The following KHDRBS2 variants were observed in gnomAD, a reference collection of about 807,000 sequenced individuals.
KHDRBS2 encodes the protein KH RNA binding domain containing, signal transduction associated 2.
KHDRBS2 carries 26 observed loss-of-function variants against 44.3 expected under a neutral mutation model. That is an observed-to-expected ratio of 0.59 (90% CI 0.43 to 0.81). The LOEUF (loss-of-function observed/expected upper bound fraction) is 0.81. KHDRBS2 is among the 40% of genes least tolerant of loss of function. The probability of loss-of-function intolerance (pLI) is 0.00; values close to 1 mark genes in which losing one functional copy is unlikely to be tolerated. For synonymous variants in KHDRBS2, 194 were observed against 151.1 expected (o/e 1.28, Z -2.08); for missense variants, 476 against 433.1 (o/e 1.10, Z -0.88).
chr6:62,227,513 A>C (rs1449488751), intron 1 of KHDRBS2, among the ~76,000 whole-genome samples: 1 of 152,138 alleles, frequency 6.6e-6, no homozygotes, highest in Admixed American at 6.6e-5. Context: ...AATGCCAATT[A>C]TTTCTTTCTC....
chr6:61,806,389 A>G (rs1305231429), intron 6 of KHDRBS2, among the ~76,000 whole-genome samples: 1 of 152,170 alleles, frequency 6.6e-6, no homozygotes, highest in African/African-American at 2.4e-5. Context: ...ATACATAAAA[A>G]TGGAGAGATG....
At chr6:62,063,392 C>G (rs1159977082) in intron 2 of KHDRBS2, among the ~76,000 whole-genome samples, 1 of 151,388 alleles carries the variant, frequency 6.6e-6, no homozygotes, top group Non-Finnish European at 1.5e-5. Flanking sequence ...AAAATACTGG[C>G]AAACCGAATC....
rs184989968 is a variant in KHDRBS2, at chr6:61,749,899, G to C, written c.811-17135C>G. On this transcript the variant is annotated intron_variant, in intron 6 of 8. Transcript: ENST00000281156. ...ATTTCCAAGTCTTTGATGATTAAAA[G>C]ACTGTTATTTTAAAGAAGAATCTTG... is the stretch of plus-strand genomic sequence containing the variant. Among the ~76,000 whole-genome samples, 22 of 152,220 alleles carry C rather than the reference G, an allele frequency of 1.4e-4. No individual in the cohort carries two copies. In the East Asian group the frequency reaches 3.9e-3, roughly 27 times the overall value.
At chr6:62,230,369 G>T (rs1405440925) in intron 1 of KHDRBS2, among the ~76,000 whole-genome samples, 16 of 152,138 alleles carry the variant, frequency 1.1e-4, no homozygotes, top group African/African-American at 3.6e-4. Flanking sequence ...TAAATTGATA[G>T]AAAATTGGTA....
At chr6:61,707,375 G>C (rs1339717715) in intron 7 of KHDRBS2, among the ~76,000 whole-genome samples, 1 of 151,636 alleles carries the variant, frequency 6.6e-6, no homozygotes, top group African/African-American at 2.4e-5. Flanking sequence ...CCATTCCTAA[G>C]CCTTCATTGA....
At chr6:62,036,165 T>C (rs1276881915) in intron 3 of KHDRBS2, among the ~76,000 whole-genome samples, 1 of 151,876 alleles carries the variant, frequency 6.6e-6, no homozygotes, top group Non-Finnish European at 1.5e-5. Flanking sequence ...AATCAAAGTA[T>C]GTAAACTGTT....
At chr6:62,210,159 T>C (rs949417850) in intron 1 of KHDRBS2, among the ~76,000 whole-genome samples, 1 of 152,096 alleles carries the variant, frequency 6.6e-6, no homozygotes, top group African/African-American at 2.4e-5. Flanking sequence ...AAAAGTATAT[T>C]ATCAAAGAAT....
At chr6:61,788,518 T>C (rs951630442) in intron 6 of KHDRBS2, among the ~76,000 whole-genome samples, 1 of 151,448 alleles carries the variant, frequency 6.6e-6, no homozygotes, top group Non-Finnish European at 1.5e-5. Context: ...TTATGTAGTA[T>C]CTCACATATT....
the KHDRBS2 span, among the ~76,000 whole-genome samples, chr6:61,650,363 G>T: frequency 6.6e-6 from 1 of 151,210 alleles, no homozygotes; most frequent in Non-Finnish European, 1.5e-5. Flanking sequence ...CATGCAAGCA[G>T]ATTCTTTGTC....
At chr6:62,038,241 T>C (rs1785716674) in intron 3 of KHDRBS2, among the ~76,000 whole-genome samples, 1 of 152,090 alleles carries the variant, frequency 6.6e-6, no homozygotes, top group Non-Finnish European at 1.5e-5. Context: ...TTGACTTCAC[T>C]CTTGGTGAAC....
intron 2 of KHDRBS2, among the ~76,000 whole-genome samples, chr6:62,063,253 G>A (rs1412007184): frequency 6.8e-6 from 1 of 146,534 alleles, no homozygotes; most frequent in Non-Finnish European, 1.5e-5. Flanking sequence ...AATAGAAAAA[G>A]AGGGAATCCT....
At chr6:61,684,031 A>G (rs907402025) in intron 8 of KHDRBS2, among the ~76,000 whole-genome samples, 2 of 151,948 alleles carry the variant, frequency 1.3e-5, no homozygotes, top group Non-Finnish European at 2.9e-5. Context: ...GCAAAGAGAG[A>G]TCAGGAAAAG....
intron 2 of KHDRBS2, among the ~76,000 whole-genome samples, chr6:62,169,373 T>G (rs145394516): frequency 6.6e-6 from 1 of 151,852 alleles, no homozygotes; most frequent in South Asian, 2.1e-4. Flanking sequence ...AAATGTTGCC[T>G]TTGTAGAGGC....
chr6:62,031,070 A>G (rs1477678358), intron 3 of KHDRBS2, among the ~76,000 whole-genome samples: 1 of 152,134 alleles, frequency 6.6e-6, no homozygotes, highest in East Asian at 1.9e-4. Context: ...ATACTAGAAA[A>G]AGGATAGAAG....
the KHDRBS2 span, among the ~76,000 whole-genome samples, chr6:61,667,019 G>A: frequency 3.4e-4 from 49 of 145,788 alleles, no homozygotes; most frequent in African/African-American, 1.1e-3. Context: ...TCAAAAGAAG[G>A]ATTCTTGGTT....
chr6:61,739,402 T>G (rs191755399), intron 6 of KHDRBS2, among the ~76,000 whole-genome samples: 1 of 152,024 alleles, frequency 6.6e-6, no homozygotes, highest in Admixed American at 6.6e-5. Context: ...GGAGCAACTT[T>G]GCTCTGAATT....
At chr6:61,814,143 T>C (rs554763068) in intron 6 of KHDRBS2, 1 of 436,672 alleles carries the variant, frequency 2.3e-6, no homozygotes, top group African/African-American at 2.0e-5. Flanking sequence ...CTTTGAATCC[T>C]GTAGCAAACA....
At chr6:61,984,346 G>A (rs72884450) in intron 3 of KHDRBS2, among the ~76,000 whole-genome samples, 4 of 152,100 alleles carry the variant, frequency 2.6e-5, no homozygotes, top group African/African-American at 7.2e-5. Flanking sequence ...AATCAACCTA[G>A]CTTTTTTTGT....
At chr6:62,178,995 A>T (rs1417933993) in intron 1 of KHDRBS2, among the ~76,000 whole-genome samples, 1 of 151,492 alleles carries the variant, frequency 6.6e-6, no homozygotes, top group Non-Finnish European at 1.5e-5. Flanking sequence ...AGGTAAGGGG[A>T]ATATATATTT....
Sources: gnomAD v4.1 joint callset for allele counts (sites outside exome capture counted in the v4.1 genomes callset) on GRCh38, gnomAD v4.1.1 for gene constraint, MANE v1.5 for transcripts, NCBI Gene and HGNC (gene_info 2026-07-23, HGNC 2026-07-21) for gene names.